CARM1: variants seen among roughly 807,000 people sequenced by gnomAD.
The protein encoded by CARM1 is coactivator associated arginine methyltransferase 1.
Under a neutral mutation model 72.7 loss-of-function variants are expected in CARM1, and 14 were observed. The ratio of observed to expected loss-of-function variants is 0.19; its 90% CI spans 0.13 to 0.30. The LOEUF (loss-of-function observed/expected upper bound fraction) is 0.30. Among genes scored for constraint, CARM1 ranks in the 10% least tolerant of loss-of-function variants. CARM1 has a pLI of 1.00. For synonymous variants in CARM1, 333 were observed against 345.5 expected (o/e 0.96, Z 0.40); for missense variants, 432 against 833.7 (o/e 0.52, Z 5.93).
At chr19:10,897,019 TAGCAGAGATCAGATTCCCC>T (rs1248672800) in intron 1 of CARM1, among the ~76,000 whole-genome samples, 10 of 152,228 alleles carry the variant, frequency 6.6e-5, no homozygotes, top group Non-Finnish European at 8.8e-5. Flanking sequence ...AGAATCATTG[TAGCAGAGATCAGATTCCCC>T]AGCAGAGATC....
Position 10,919,598 on chromosome 19 carries a change from A to G in CARM1, c.1024A>G (p.Thr342Ala), listed in dbSNP as rs2074224027. 11 of 1,612,678 alleles carry G rather than the reference A, an allele frequency of 6.8e-6. No individual in the cohort carries two copies. In the East Asian group the frequency reaches 2.5e-4, roughly 36 times the overall value. ...DEYFRQPVVD[T>A]FDIRILMAKS... ...TCACACCTGTGGTCTCTCCCAGGAC[A>G]CATTTGACATCCGGATCCTGATGGC... The change falls in exon 9 of 16, where the codon ACA becomes GCA. Residue 342 changes from threonine to alanine, a missense_variant. By Grantham distance (58) the Thr-to-Ala change is moderately conservative. This residue lies in a region of CARM1 where 152 missense variants were observed against 452.8 expected (regional missense o/e 0.34). Coordinates refer to ENST00000327064, the MANE Select transcript of CARM1 (RefSeq NM_199141.2).
At chr19:10,898,388 T>G (rs1568350918) in intron 1 of CARM1, among the ~76,000 whole-genome samples, 1 of 151,942 alleles carries the variant, frequency 6.6e-6, no homozygotes, top group Non-Finnish European at 1.5e-5. Context: ...AGTCTGCTTT[T>G]TGGTCACCCT....
chr19:10,871,905 G>A lies in CARM1; in HGVS notation c.203G>A (p.Gly68Asp). 1 of 1,225,006 alleles carries A rather than the reference G, an allele frequency of 8.2e-7. No homozygotes were observed. Among genetic ancestry groups the A allele is most frequent in the Non-Finnish European group, 1.0e-6 (1 of 980,008 alleles). 75.9% of individuals were successfully genotyped at this position (1,225,006 alleles called of 1,614,324 possible). A position where few individuals can be genotyped will look rare whatever the true frequency, so the allele number is the denominator to read the frequency against. Residue 68 changes from glycine (G) to aspartate (D), a missense_variant, in exon 1 of 16, where the codon GGC (glycine) becomes GAC (aspartate). Gly to Asp is a moderately conservative substitution (Grantham distance 94, BLOSUM62 -1). This residue lies in a region of CARM1 where 138 missense variants were observed against 192.3 expected (regional missense o/e 0.72). Coordinates refer to ENST00000327064, the MANE Select transcript of CARM1 (RefSeq NM_199141.2). This position sits in a 1 kb window ranked among gnomAD's most constrained non-coding sequence, Gnocchi z 5.6. ...GTGCGCGCCGGCCCGGACTCGGCGG[G>A]CATCGCCCTCTACAGCCGTGAGTAC... ...LEVRAGPDSAGIALYSHEDVC... is the reference protein window; with the variant it reads ...LEVRAGPDSADIALYSHEDVC...
At chr19:10,921,333 G>A (rs764832668) in intron 14 of CARM1, 42 bp from the exon 15 acceptor site, 8 of 1,606,260 alleles carry the variant, frequency 5.0e-6, no homozygotes, top group Non-Finnish European at 6.8e-6. Context: ...TGGGGGCGGT[G>A]ACGCCGTCTC....
At chr19:10,883,551 C>T (rs895053951) in intron 1 of CARM1, among the ~76,000 whole-genome samples, 4 of 152,152 alleles carry the variant, frequency 2.6e-5, no homozygotes, top group African/African-American at 9.7e-5. Flanking sequence ...CCGGCCCTGC[C>T]ACTTCTTTGT....
intron 1 of CARM1, among the ~76,000 whole-genome samples, chr19:10,873,330 G>C (rs911227276): frequency 6.6e-6 from 1 of 151,922 alleles, no homozygotes; most frequent in Non-Finnish European, 1.5e-5. Flanking sequence ...AGGACCAGGC[G>C]GGGTAGCTCA....
intron 1 of CARM1, among the ~76,000 whole-genome samples, chr19:10,893,918 G>T (rs906732185): frequency 6.6e-6 from 1 of 152,202 alleles, no homozygotes; most frequent in African/African-American, 2.4e-5. Flanking sequence ...ATAAACCTAA[G>T]TCCTCCTTGA....
intron 1 of CARM1, among the ~76,000 whole-genome samples, chr19:10,873,624 GTTTTTTTTTT>G (rs1169565864): frequency 8.7e-4 from 41 of 47,344 alleles, no homozygotes; most frequent in African/African-American, 3.2e-3. Context: ...TTTTAGTTTA[GTTTTTTTTTT>G]TTTTTTTTTT....
chr19:10,904,743 G>C (rs1022011194), intron 1 of CARM1, among the ~76,000 whole-genome samples: 5 of 152,240 alleles, frequency 3.3e-5, no homozygotes, highest in African/African-American at 1.2e-4. Flanking sequence ...CACAGGCTGT[G>C]TTCCTGCTGT....
rs552767549 is a variant in CARM1, at chr19:10,909,918, G to A, written c.558+711G>A. ...GATTTTTCCCCATACAGACATCAGCGTATATTTTACAATTATTTTATTGAG... is the reference window on the plus strand; with the variant it reads ...GATTTTTCCCCATACAGACATCAGCATATATTTTACAATTATTTTATTGAG... On this transcript the variant is annotated intron_variant, in intron 4 of 15. Transcript: ENST00000327064. Among the ~76,000 whole-genome samples the A allele has an allele frequency of 2.0e-3, 306 of 152,128 alleles. 2 individuals carry two copies. Among genetic ancestry groups the A allele is most frequent in the African/African-American group, 7.0e-3 (290 of 41,520 alleles).
chr19:10,914,005 G>A lies in CARM1; in HGVS notation c.798G>A (p.Glu266=). The change falls in exon 6 of 16, where the codon GAG becomes GAA. Residue 266 remains glutamate (E), a synonymous_variant. Coordinates refer to ENST00000327064, the MANE Select transcript of CARM1 (RefSeq NM_199141.2). ...CCATGGGCTACATGCTCTTCAACGA[G>A]CGCATGCTGGAGAGCTACCTCCACG... The part of the protein sequence containing the change: ...SEPMGYMLFN[E]RMLESYLHAK... 1 of 1,613,650 alleles carries A rather than the reference G, an allele frequency of 6.2e-7. No individual in the cohort carries two copies. The highest frequency in any genetic ancestry group is 8.5e-7 in the Non-Finnish European group (1 of 1,179,958).
intron 1 of CARM1, among the ~76,000 whole-genome samples, chr19:10,875,557 TGGGACTACA>T (rs1568344337): frequency 2.0e-5 from 3 of 151,986 alleles, no homozygotes; most frequent in African/African-American, 7.3e-5. Flanking sequence ...CCCGGGTAGC[TGGGACTACA>T]GGCGCCCGCC....
At position 10,896,283 on chromosome 19, in the gene CARM1, G is replaced by A. The variant is rs1004347534; in HGVS notation, c.221-8668G>A. On this transcript the variant is annotated intron_variant, in intron 1 of 15. Coordinates refer to ENST00000327064, the MANE Select transcript of CARM1 (RefSeq NM_199141.2). The surrounding 1 kb of genome is among the most constrained non-coding windows in gnomAD (Gnocchi z 5.2). ...GCTGCCCCACCCACCATTCTCTAGT[G>A]TATTTTCTTCAAGTCTGGGGCTAGG... is the stretch of plus-strand genomic sequence containing the variant. Among the ~76,000 whole-genome samples, 3 of 151,986 alleles carry A rather than the reference G, an allele frequency of 2.0e-5. No homozygotes were observed. The highest frequency in any genetic ancestry group is 7.3e-5 in the African/African-American group (3 of 41,360).
chr19:10,886,455 C>T (rs969133046), intron 1 of CARM1, among the ~76,000 whole-genome samples: 2 of 152,152 alleles, frequency 1.3e-5, no homozygotes, highest in Non-Finnish European at 2.9e-5. Flanking sequence ...CTCGACCACC[C>T]AAAGTGCTGG....
intron 1 of CARM1, among the ~76,000 whole-genome samples, chr19:10,888,993 C>T (rs2073962174): frequency 6.6e-6 from 1 of 152,152 alleles, no homozygotes; most frequent in African/African-American, 2.4e-5. Context: ...TAGAGGGAGC[C>T]CCCTACTGAG....
chr19:10,913,126 G>C (rs545301734), intron 5 of CARM1, among the ~76,000 whole-genome samples: 2 of 151,720 alleles, frequency 1.3e-5, no homozygotes, highest in Admixed American at 6.6e-5. Context: ...TTTTTTTTGG[G>C]GGGGGTCTCA....
At chr19:10,882,885 C>T (rs2073912685) in intron 1 of CARM1, among the ~76,000 whole-genome samples, 1 of 152,088 alleles carries the variant, frequency 6.6e-6, no homozygotes, top group African/African-American at 2.4e-5. Context: ...AGAACCCCAT[C>T]TCCTCTGCTG....
At chr19:10,911,922 G>A (rs995451022) in intron 4 of CARM1, among the ~76,000 whole-genome samples, 5 of 152,194 alleles carry the variant, frequency 3.3e-5, no homozygotes, top group Admixed American at 1.3e-4. Flanking sequence ...GGGGAGGCCC[G>A]TGCCACTCAC....
Position 10,916,356 on chromosome 19 carries a change from A to G in CARM1, c.848-51A>G, listed in dbSNP as rs2145240016. On this transcript the variant is annotated intron_variant, in intron 6 of 15. Transcript: ENST00000327064. The surrounding 1 kb of genome is among the most constrained non-coding windows in gnomAD (Gnocchi z 4.4). ...GGGTCCTTTGGAAGCTCTGCCAGGC[A>G]GTGTGGGATGTGTCACCTGACGCCA... The G allele has an allele frequency of 7.9e-7, 1 of 1,258,096 alleles. No homozygotes were observed. Among genetic ancestry groups the G allele is most frequent in the South Asian group, 1.2e-5 (1 of 83,268 alleles). The allele number at this position is 1,258,096 out of a possible 1,614,324, so 77.9% of individuals were successfully genotyped here.
Sources: gnomAD v4.1 joint callset for allele counts (sites outside exome capture counted in the v4.1 genomes callset) on GRCh38, gnomAD v4.1.1 for gene constraint, gnomAD v4.1.1 regional missense constraint, Gnocchi (gnomAD v3.1) non-coding constraint, MANE v1.5 for transcripts, NCBI Gene and HGNC (gene_info 2026-07-23, HGNC 2026-07-21) for gene names.